Variants in CREBZF observed in about 807,000 individuals in gnomAD.
CREBZF encodes HCF-binding transcription factor Zhangfei.
Under a neutral mutation model 21.1 loss-of-function variants are expected in CREBZF, and 8 were observed. The observed-to-expected ratio is 0.38, with a 90% CI of 0.22 to 0.68. The LOEUF is 0.68. CREBZF is among the 30% of genes least tolerant of loss of function. The pLI is 0.51. For missense variants in CREBZF, 518 were observed against 484.3 expected (o/e 1.07, Z -0.65); for synonymous variants, 270 against 223.3 (o/e 1.21, Z -1.86).
rs1422948620 is a variant in CREBZF at position 85,664,954 on chromosome 11, G to A, written c.-79C>T. 3 of 1,090,334 alleles carry A rather than the reference G, an allele frequency of 2.8e-6. No individual in the cohort carries two copies. The African/African-American group carries it at 5.0e-5, about 18-fold the overall frequency. 67.5% of individuals were successfully genotyped at this position (1,090,334 alleles called of 1,614,324 possible). A position where few individuals can be genotyped will look rare whatever the true frequency, so the allele number is the denominator to read the frequency against. ...GGCCCCAAGGATCCCAGGCCCCAGG[G>A]CGGGTAGCCCCCGGCACTGGCCGAA... On this transcript the variant is annotated 5_prime_UTR_variant, in exon 1 of 1. Coordinates refer to ENST00000527447, the MANE Select transcript of CREBZF (RefSeq NM_001039618.4). This position sits in a 1 kb window ranked among gnomAD's most constrained non-coding sequence, Gnocchi z 5.5.
At chr11:85,668,884 C>T (rs915104066), upstream of CREBZF, among the ~76,000 whole-genome samples, 1 of 150,102 alleles carries the variant, frequency 6.7e-6, no homozygotes, top group East Asian at 1.9e-4. Context: ...CGCCTGTAGT[C>T]CCAGCTACTC....
chr11:85,680,919 G>A (rs2082972639), intron 1 of CREBZF, among the ~76,000 whole-genome samples: 1 of 152,206 alleles, frequency 6.6e-6, no homozygotes, highest in Non-Finnish European at 1.5e-5. Context: ...CATCATTCCT[G>A]CTGGCAGAGC....
At chr11:85,667,262 G>A (rs775757012), upstream of CREBZF, among the ~76,000 whole-genome samples, 1 of 138,770 alleles carries the variant, frequency 7.2e-6, no homozygotes, top group Non-Finnish European at 1.5e-5. Context: ...TAGTAGAAAT[G>A]GGGTTTCACC....
At chr11:85,671,244 G>A (rs2082909509) in intron 1 of CREBZF, among the ~76,000 whole-genome samples, 1 of 152,194 alleles carries the variant, frequency 6.6e-6, no homozygotes, top group Non-Finnish European at 1.5e-5. Flanking sequence ...ATTCACTACA[G>A]TGAAAACAGC....
At chr11:85,677,919 T>A (rs935446212) in intron 1 of CREBZF, among the ~76,000 whole-genome samples, 1 of 152,254 alleles carries the variant, frequency 6.6e-6, no homozygotes, top group African/African-American at 2.4e-5. Flanking sequence ...AATTATTCTG[T>A]GAAAAGCAAC....
At chr11:85,675,746 C>T (rs147428110) in intron 1 of CREBZF, among the ~76,000 whole-genome samples, 41 of 152,240 alleles carry the variant, frequency 2.7e-4, no homozygotes, top group African/African-American at 9.4e-4. Flanking sequence ...TGCAATAAAA[C>T]AAGGTATGCC....
rs188990586 is a variant in CREBZF at position 85,658,521 on chromosome 11, G to A, written c.*5290C>T. On this transcript the variant is annotated 3_prime_UTR_variant, in exon 1 of 1. Transcript: ENST00000527447. Reference sequence around the variant, plus strand: ...GAGGGCAGATATCTGCATTATTTAAGGACATTTAGTCATTTGTAGCTAACA... The same window carrying A: ...GAGGGCAGATATCTGCATTATTTAAAGACATTTAGTCATTTGTAGCTAACA... Among the ~76,000 whole-genome samples, 16 of 152,026 alleles carry A rather than the reference G, an allele frequency of 1.1e-4. 1 individual carries two copies. The East Asian group carries it at 3.1e-3, about 29-fold the overall frequency.
chr11:85,663,678 A>G lies in CREBZF; in HGVS notation c.*133T>C. 1.2e-5 allele frequency: 20 copies of G among 1,609,966 alleles called. No homozygotes were observed. The highest frequency in any genetic ancestry group is 1.7e-5 in the Non-Finnish European group (20 of 1,178,272). ...GTCACATTCATGCTTTTAGCTAAAC[A>G]CTTTAAGATTCAATATTACTTTTTT... On this transcript the variant is annotated 3_prime_UTR_variant, in exon 1 of 1. Transcript: ENST00000527447.
chr11:85,666,249 T>G (rs2082860969), upstream of CREBZF, among the ~76,000 whole-genome samples: 4 of 152,308 alleles, frequency 2.6e-5, no homozygotes, highest in South Asian at 8.3e-4. Context: ...ATACAGATAT[T>G]TAGGTTCACA....
At chr11:85,671,836 C>T (rs748531478) in intron 1 of CREBZF, among the ~76,000 whole-genome samples, 1 of 152,212 alleles carries the variant, frequency 6.6e-6, no homozygotes. Flanking sequence ...GCGGCTTCTC[C>T]AGGTGCACAG....
chr11:85,682,798 G>T (rs1309289526), exon 1 of CREBZF: 3 of 701,678 alleles, frequency 4.3e-6, no homozygotes, highest in Non-Finnish European at 7.8e-6. Context: ...GCAAAACTTA[G>T]GCCCCAAGGA....
chr11:85,678,281 G>A (rs2082954409), intron 1 of CREBZF, among the ~76,000 whole-genome samples: 1 of 152,130 alleles, frequency 6.6e-6, no homozygotes. Context: ...GTTTTGGGAG[G>A]CAAGAAACAG....
rs1437950314 is a variant in CREBZF at position 85,662,691 on chromosome 11, C to G, written c.*1120G>C. ...AAATTATTTTAAAATAGGACAAATA[C>G]TTTTGAAACACAGAGAATAAGATTC... On this transcript the variant is annotated 3_prime_UTR_variant, in exon 1 of 1. Transcript: ENST00000527447. 1.9e-5 allele frequency: 7 copies of G among 371,910 alleles called. No individual in the cohort carries two copies. In the East Asian group the frequency reaches 2.7e-4, roughly 14 times the overall value. The allele number at this position is 371,910 out of a possible 1,614,324, so 23.0% of individuals were successfully genotyped here.
chr11:85,667,149 C>T (rs2082877503), upstream of CREBZF, among the ~76,000 whole-genome samples: 1 of 152,122 alleles, frequency 6.6e-6, no homozygotes, highest in Admixed American at 6.5e-5. Context: ...TGCCTGAGCC[C>T]AGGAGTTCAA....
At chr11:85,681,434 A>C (rs2082976041) in intron 1 of CREBZF, among the ~76,000 whole-genome samples, 1 of 152,138 alleles carries the variant, frequency 6.6e-6, no homozygotes, top group Admixed American at 6.5e-5. Flanking sequence ...ATTTTCTCTA[A>C]CTGAAGCAGA....
chr11:85,681,586 C>T (rs1331421599), intron 1 of CREBZF, among the ~76,000 whole-genome samples: 2 of 152,160 alleles, frequency 1.3e-5, no homozygotes, highest in East Asian at 3.9e-4. Flanking sequence ...AAAGTCACAC[C>T]TATCAGCTAC....
rs540986776 is a variant in CREBZF at position 85,677,802 on chromosome 11, A to G, written n.147+4915T>C. On this transcript the variant is annotated intron_variant and non_coding_transcript_variant, in intron 1 of 3. Transcript: ENST00000531515. ...TAATTCTCCCACTGCAAAATTCCCCATTAACCTCTCTCCTAATGGTTTCAT... is the reference window on the plus strand; with the variant it reads ...TAATTCTCCCACTGCAAAATTCCCCGTTAACCTCTCTCCTAATGGTTTCAT... Among the ~76,000 whole-genome samples the G allele has an allele frequency of 3.9e-5, 6 of 152,316 alleles. No homozygotes were observed. The South Asian group carries it at 6.2e-4, about 16-fold the overall frequency.
chr11:85,671,561 A>G (rs1173360821), intron 1 of CREBZF, among the ~76,000 whole-genome samples: 1 of 152,260 alleles, frequency 6.6e-6, no homozygotes, highest in Non-Finnish European at 1.5e-5. Context: ...CCTAGATACA[A>G]TGAGGGTACA....
rs574574216 is a variant in CREBZF at position 85,677,870 on chromosome 11, A to G, written n.147+4847T>C. ...CTAAATTATTTCAGTCAAGGTTACA[A>G]CACAATTATTTCCAAAATGCCTTTT... On this transcript the variant is annotated intron_variant and non_coding_transcript_variant, in intron 1 of 3. Transcript: ENST00000531515. Among the ~76,000 whole-genome samples the G allele has an allele frequency of 3.3e-4, 51 of 152,370 alleles. 1 individual carries two copies. The South Asian group carries it at 6.0e-3, about 18-fold the overall frequency.
Sources: allele counts gnomAD v4.1 joint callset (sites outside exome capture counted in the v4.1 genomes callset), GRCh38; gene constraint gnomAD v4.1.1; non-coding constraint Gnocchi (gnomAD v3.1); transcripts MANE v1.5; gene names NCBI Gene and HGNC (gene_info 2026-07-23, HGNC 2026-07-21).